MASTL: variants seen among roughly 807,000 people sequenced by gnomAD.
MASTL encodes microtubule associated serine/threonine kinase like.
In MASTL, 54 loss-of-function variants were observed where a neutral mutation model predicts 82.5. The ratio of observed to expected loss-of-function variants is 0.65; its 90% CI spans 0.53 to 0.82. MASTL has a LOEUF of 0.82. Among genes scored for constraint, MASTL ranks in the 40% least tolerant of loss-of-function variants. MASTL has a pLI of 0.00. For synonymous variants in MASTL, 323 were observed against 368.9 expected, an observed-to-expected ratio of 0.88 and a Z score of 1.43; for missense variants, 950 against 1,047.8, an observed-to-expected ratio of 0.91 and a Z score of 1.29.
chr10:27,174,227 T>C, intron 9 of MASTL, among the ~76,000 whole-genome samples: 1 of 151,866 alleles, frequency 6.6e-6, no homozygotes, highest in East Asian at 2.0e-4. Context: ...TGGTGGTGCA[T>C]GCCTGTAATT....
chr10:27,179,290 C>T (rs906190211), intron 9 of MASTL, among the ~76,000 whole-genome samples: 19 of 152,164 alleles, frequency 1.2e-4, no homozygotes, highest in Non-Finnish European at 1.5e-4. Context: ...TGCAGTGGCT[C>T]ACGCCTGTAA....
In MASTL at chr10:27,170,288, A is replaced by C; in HGVS notation, c.1329A>C (p.Leu443Phe). The change falls in exon 8 of 12, where the codon TTA (leucine) becomes TTC (phenylalanine). Residue 443 changes from leucine (L) to phenylalanine (F), a missense_variant. Transcript: ENST00000375940. The part of the protein sequence containing the change: ...ISEEHLGKRS[L>F]KRNFELVDSS... ...AAGAGCACCTTGGGAAAAGAAGTTT[A>C]AAAAGAAATTTTGAGTTGGTTGACT... is the stretch of plus-strand genomic sequence containing the variant. 1 of 1,613,970 alleles carries C rather than the reference A, an allele frequency of 6.2e-7. No homozygotes were observed. The highest frequency in any genetic ancestry group is 2.2e-5 in the East Asian group (1 of 44,896).
chr10:27,160,541 G>A (rs887514081), intron 3 of MASTL, among the ~76,000 whole-genome samples: 11 of 151,472 alleles, frequency 7.3e-5, no homozygotes, highest in African/African-American at 2.4e-4. Flanking sequence ...ACCTGAGGTC[G>A]GGAGTTTGAG....
chr10:27,171,174 A>T, intron 8 of MASTL, 91 bp downstream of exon 8: 1 of 1,119,226 alleles, frequency 8.9e-7, no homozygotes, highest in Non-Finnish European at 1.4e-6. Flanking sequence ...TGCGGTATTA[A>T]TCATATAGTT....
intron 8 of MASTL, among the ~76,000 whole-genome samples, chr10:27,172,010 G>C (rs1006817432): frequency 6.6e-6 from 1 of 151,538 alleles, no homozygotes; most frequent in African/African-American, 2.4e-5. Flanking sequence ...TGTATTTTTA[G>C]TAGAGATGGG....
intron 8 of MASTL, among the ~76,000 whole-genome samples, chr10:27,172,453 G>A (rs568676364): frequency 1.8e-4 from 28 of 152,154 alleles, no homozygotes; most frequent in African/African-American, 6.3e-4. Context: ...TCGGGAGATC[G>A]AGACCAGCCT....
chr10:27,155,170 GC>G (rs1478717949), upstream of MASTL: 3 of 536,648 alleles, frequency 5.6e-6, no homozygotes, highest in African/African-American at 5.7e-5. Context: ...AACTGTTTGT[GC>G]CTCCTCCCTC....
chr10:27,169,460 C>T lies in MASTL; in HGVS notation c.985-484C>T, dbSNP rs181893744. ...TGGTGTGCCCCTGTAATCCCAGCTACTTGGGAGGCTGAGGTGGGAGAATTG... is the reference window on the plus strand; with the variant it reads ...TGGTGTGCCCCTGTAATCCCAGCTATTTGGGAGGCTGAGGTGGGAGAATTG... On this transcript the variant is annotated intron_variant, in intron 7 of 11. Coordinates refer to ENST00000375940, the MANE Select transcript of MASTL (RefSeq NM_001172303.3). 2.3e-3 allele frequency among the ~76,000 whole-genome samples: 353 copies of T among 151,822 alleles called. 1 individual carries two copies. Among genetic ancestry groups the T allele is most frequent in the Non-Finnish European group, 3.1e-3 (211 of 67,958 alleles).
chr10:27,184,749 C>G (rs963190022), intron 11 of MASTL, among the ~76,000 whole-genome samples: 15 of 151,366 alleles, frequency 9.9e-5, no homozygotes, highest in Non-Finnish European at 2.2e-4. Flanking sequence ...TTAGTAGAGA[C>G]GGGGTTTCAC....
Position 27,170,413 on chromosome 10 carries a change from C to T in MASTL, c.1454C>T (p.Thr485Ile), listed in dbSNP as rs1369672665. 1 of 1,614,036 alleles carries T rather than the reference C, an allele frequency of 6.2e-7. No individual in the cohort carries two copies. The highest frequency in any genetic ancestry group is 1.3e-5 in the African/African-American group (1 of 75,016). ...NCYTNQNTGL[T>I]VEVQDLKLSV... ...TATACAAATCAAAATACAGGCTTAACAGTTGAAGTGCAGGACCTTAAGCTA... is the reference window on the plus strand; with the variant it reads ...TATACAAATCAAAATACAGGCTTAATAGTTGAAGTGCAGGACCTTAAGCTA... Residue 485 changes from threonine (T) to isoleucine (I), a missense_variant, in exon 8 of 12, where the codon ACA becomes ATA. Thr to Ile is a moderately conservative substitution (Grantham distance 89, BLOSUM62 -1). Coordinates refer to ENST00000375940, the MANE Select transcript of MASTL (RefSeq NM_001172303.3).
intron 4 of MASTL, among the ~76,000 whole-genome samples, chr10:27,161,956 T>G (rs762741657): frequency 1.3e-5 from 2 of 152,106 alleles, no homozygotes; most frequent in African/African-American, 4.8e-5. Flanking sequence ...TTAACACATA[T>G]ATGTATATAT....
At position 27,186,788 on chromosome 10, in the gene MASTL, T is replaced by TCTTC. The variant is rs2058784153; in HGVS notation, c.*252_*253insCTTC. On this transcript the variant is annotated 3_prime_UTR_variant, in exon 12 of 12. Transcript: ENST00000375940. ...TTTATTTATTTTGTTTATTGCACTT[T>TCTTC]ATGAAAACTGAAGCATCAATAAAAT... 2 of 468,584 alleles carry TCTTC rather than the reference T, an allele frequency of 4.3e-6. No homozygotes were observed. Among genetic ancestry groups the TCTTC allele is most frequent in the African/African-American group, 3.9e-5 (2 of 51,066 alleles). 29.0% of individuals were successfully genotyped at this position (468,584 alleles called of 1,614,324 possible). A position where few individuals can be genotyped will look rare whatever the true frequency, so the allele number is the denominator to read the frequency against.
chr10:27,160,607 C>T (rs1221864457), intron 3 of MASTL, among the ~76,000 whole-genome samples: 2 of 151,730 alleles, frequency 1.3e-5, no homozygotes, highest in African/African-American at 4.8e-5. Flanking sequence ...AAAAATTAGC[C>T]GAGTGTGGTG....
At position 27,171,054 on chromosome 10, in the gene MASTL, C is replaced by G. The variant is rs551916280; in HGVS notation, c.2095C>G (p.Gln699Glu). The change falls in exon 8 of 12, where the codon CAA becomes GAA. Residue 699 changes from glutamine to glutamate, a missense_variant. Coordinates refer to ENST00000375940, the MANE Select transcript of MASTL (RefSeq NM_001172303.3). ...GSYPMAITPTQKRRSCMPHQQ... is the reference protein window; with the variant it reads ...GSYPMAITPTEKRRSCMPHQQ... ...ATATCCCATGGCTATAACCCCTACT[C>G]AAAAAAGAAGATCCTGTATGCCACA... 3.1e-6 allele frequency: 5 copies of G among 1,613,864 alleles called. No individual in the cohort carries two copies. Among genetic ancestry groups the G allele is most frequent in the South Asian group, 1.1e-5 (1 of 91,072 alleles).
intron 1 of MASTL, among the ~76,000 whole-genome samples, chr10:27,157,895 C>T (rs1050554133): frequency 6.6e-6 from 1 of 151,960 alleles, no homozygotes; most frequent in Non-Finnish European, 1.5e-5. Flanking sequence ...AGTAGTTACT[C>T]CACGCCCAGG....
In MASTL at chr10:27,170,208, C is replaced by A; in HGVS notation, c.1249C>A (p.Gln417Lys). The part of the protein sequence containing the change: ...NNINMDTDTS[Q>K]LGFHQSNQWA... ...TATAAATATGGACACTGACACAAGT[C>A]AGTTAGGTTTCCATCAGTCAAATCA... The change falls in exon 8 of 12, where the codon CAG (glutamine) becomes AAG (lysine). Residue 417 changes from glutamine to lysine, a missense_variant. By Grantham distance (53) the Gln-to-Lys change is moderately conservative. Coordinates refer to ENST00000375940, the MANE Select transcript of MASTL (RefSeq NM_001172303.3). 6.2e-7 allele frequency: 1 copy of A among 1,614,076 alleles called. No individual in the cohort carries two copies. The highest frequency in any genetic ancestry group is 8.5e-7 in the Non-Finnish European group (1 of 1,180,036).
intron 9 of MASTL, 84 bp downstream of exon 9, chr10:27,173,343 G>A (rs2058010886): frequency 6.7e-7 from 1 of 1,484,780 alleles, no homozygotes; most frequent in Non-Finnish European, 9.4e-7. Context: ...AATTTCTTCA[G>A]TACTTACGTT....
intron 9 of MASTL, among the ~76,000 whole-genome samples, chr10:27,175,177 T>TTATG (rs1246456159): frequency 4.4e-5 from 1 of 22,942 alleles, no homozygotes; most frequent in Non-Finnish European, 1.3e-4. Context: ...CTTTTATTTA[T>TTATG]TATTTATTTA....
At chr10:27,165,669 A>G in intron 6 of MASTL, 130 bp downstream of exon 6, 2 of 1,079,566 alleles carry the variant, frequency 1.9e-6, no homozygotes, top group South Asian at 1.3e-5. Flanking sequence ...CTGGAGTGCA[A>G]TGGCGCGATC....
Sources: allele counts gnomAD v4.1 joint callset (sites outside exome capture counted in the v4.1 genomes callset), GRCh38; gene constraint gnomAD v4.1.1; transcripts MANE v1.5; gene names NCBI Gene and HGNC (gene_info 2026-07-23, HGNC 2026-07-21).